ASCC3: variants seen among roughly 807,000 people sequenced by gnomAD.
The protein encoded by ASCC3 is ASC-1 complex subunit P200.
Under a neutral mutation model 256.3 loss-of-function variants are expected in ASCC3, and 158 were observed. The ratio of observed to expected loss-of-function variants is 0.62; its 90% confidence interval spans 0.54 to 0.70. The LOEUF is 0.70. Ranked by LOEUF, ASCC3 falls within the 30% of genes least tolerant of loss-of-function variation. The pLI, the probability that ASCC3 is intolerant of heterozygous loss-of-function variation, is 0.00. For synonymous variants in ASCC3, 948 were observed against 883.4 expected, an observed-to-expected ratio of 1.07 and a Z score of -1.30; for missense variants, 2,259 against 2,626.0, an observed-to-expected ratio of 0.86 and a Z score of 3.05.
intron 4 of ASCC3, among the ~76,000 whole-genome samples, chr6:100,840,129 A>C (rs1451019880): frequency 6.6e-6 from 1 of 152,198 alleles, no homozygotes; most frequent in Non-Finnish European, 1.5e-5. Context: ...GAAACTTGGG[A>C]GAAAATGGGC....
At chr6:100,838,021 A>G (rs191874941) in intron 4 of ASCC3, among the ~76,000 whole-genome samples, 289 of 152,290 alleles carry the variant, frequency 1.9e-3, no homozygotes, top group African/African-American at 6.5e-3. Flanking sequence ...TGTGTCCATT[A>G]AAAACAAAAT....
intron 18 of ASCC3, 135 bp downstream of exon 18, chr6:100,652,590 G>A: frequency 1.1e-6 from 1 of 925,090 alleles, no homozygotes; most frequent in South Asian, 1.5e-5. Context: ...TTTACTGAGG[G>A]TATACTGTTG....
intron 16 of ASCC3, among the ~76,000 whole-genome samples, chr6:100,657,876 C>CA: frequency 6.6e-6 from 1 of 151,470 alleles, no homozygotes; most frequent in Non-Finnish European, 1.5e-5. Context: ...CACCTAGTGA[C>CA]AAAAAATAAA....
chr6:100,652,694 A>G, intron 18 of ASCC3, 31 bp downstream of exon 18: 1 of 1,599,914 alleles, frequency 6.3e-7, no homozygotes, highest in Non-Finnish European at 8.6e-7. Flanking sequence ...ATTTGCATCT[A>G]AAATCAAACA....
intron 9 of ASCC3, among the ~76,000 whole-genome samples, 177 bp downstream of exon 9, chr6:100,766,968 A>AT (rs1352811560): frequency 1.3e-5 from 2 of 152,200 alleles, no homozygotes; most frequent in Non-Finnish European, 2.9e-5. Flanking sequence ...TGGTAATAGA[A>AT]TTTTCATAAC....
At chr6:100,520,116 T>C (rs1774229049) in intron 37 of ASCC3, among the ~76,000 whole-genome samples, 2 of 152,142 alleles carry the variant, frequency 1.3e-5, no homozygotes, top group African/African-American at 4.8e-5. Context: ...GTTTCTCTCC[T>C]GGAAAATTCT....
intron 16 of ASCC3, among the ~76,000 whole-genome samples, chr6:100,661,120 G>C (rs908323573): frequency 6.6e-5 from 10 of 151,574 alleles, no homozygotes; most frequent in African/African-American, 2.2e-4. Context: ...AGTATTGTTT[G>C]AGTCAACTTT....
intron 36 of ASCC3, among the ~76,000 whole-genome samples, chr6:100,576,222 AG>A (rs1356917842): frequency 1.3e-5 from 2 of 152,024 alleles, no homozygotes; most frequent in African/African-American, 2.4e-5. Flanking sequence ...AAACTTGGCA[AG>A]GGTTCTTATG....
chr6:100,517,023 C>T (rs1469862063), intron 38 of ASCC3, among the ~76,000 whole-genome samples: 6 of 152,036 alleles, frequency 3.9e-5, no homozygotes, highest in African/African-American at 1.4e-4. Flanking sequence ...TGAAACTGAG[C>T]TGCAGACACA....
chr6:100,628,074 T>C, intron 27 of ASCC3, 87 bp from the exon 28 acceptor site: 1 of 1,331,162 alleles, frequency 7.5e-7, no homozygotes, highest in African/African-American at 1.6e-5. Flanking sequence ...GTTTGTAGCT[T>C]CCTCAAAAAA....
rs7769965 is a variant in ASCC3, at chr6:100,619,789, C to T, written c.4785+5403G>A. On this transcript the variant is annotated intron_variant, in intron 30 of 41. Transcript: ENST00000369162. ...TTCTATCCTCTTTTACTGTAGAATA[C>T]GGCATTAGTTAGCTGTAACTTTATA... Among the ~76,000 whole-genome samples, 476 of 152,130 alleles carry T rather than the reference C, an allele frequency of 3.1e-3. 3 individuals carry two copies. The highest frequency in any genetic ancestry group is 0.01 in the African/African-American group (431 of 41,518).
At chr6:100,745,410 C>A (rs1239383185) in intron 10 of ASCC3, among the ~76,000 whole-genome samples, 1 of 151,538 alleles carries the variant, frequency 6.6e-6, no homozygotes, top group East Asian at 1.9e-4. Context: ...CTGCTTGAAC[C>A]CAGAAGGTGG....
At chr6:100,760,250 C>T (rs1781363854) in intron 10 of ASCC3, among the ~76,000 whole-genome samples, 1 of 152,086 alleles carries the variant, frequency 6.6e-6, no homozygotes, top group Non-Finnish European at 1.5e-5. Context: ...GGAATGCTTC[C>T]AACTTTTGCC....
At chr6:100,863,960 G>T in intron 3 of ASCC3, 104 bp downstream of exon 3, 1 of 1,105,630 alleles carries the variant, frequency 9.0e-7, no homozygotes, top group East Asian at 2.7e-5. Flanking sequence ...TTAGATGCCA[G>T]GAAATTTTAG....
chr6:100,516,378 G>C, intron 38 of ASCC3, 51 bp from the exon 39 acceptor site: 1 of 1,606,386 alleles, frequency 6.2e-7, no homozygotes, highest in Non-Finnish European at 8.5e-7. Flanking sequence ...GCACAAAGAA[G>C]ATTTTCTGAC....
chr6:100,613,354 T>C (rs1773504849), intron 30 of ASCC3, among the ~76,000 whole-genome samples: 1 of 152,116 alleles, frequency 6.6e-6, no homozygotes, highest in Non-Finnish European at 1.5e-5. Context: ...CATAGTCACA[T>C]GTATACATTT....
At chr6:100,740,888 C>T (rs1056977191) in intron 10 of ASCC3, among the ~76,000 whole-genome samples, 1 of 152,118 alleles carries the variant, frequency 6.6e-6, no homozygotes, top group African/African-American at 2.4e-5. Flanking sequence ...GGGCTTTTAG[C>T]CCATTTACAT....
intron 30 of ASCC3, among the ~76,000 whole-genome samples, chr6:100,608,126 A>ATT (rs1169084439): frequency 1.6e-5 from 2 of 122,336 alleles, no homozygotes; most frequent in East Asian, 4.9e-4. Flanking sequence ...ATCTATATAT[A>ATT]CATATATATG....
In ASCC3 at chr6:100,792,970, T is replaced by A. The variant is rs552882457; in HGVS notation, c.1395+5743A>T. Among the ~76,000 whole-genome samples, 11 of 152,110 alleles carry A rather than the reference T, an allele frequency of 7.2e-5. No homozygotes were observed. In the East Asian group the frequency reaches 9.7e-4, roughly 13 times the overall value. The stretch of plus-strand genomic sequence containing the variant: ...ATTGTCACTTTGGAAATTACCTTTA[T>A]GAAATAAATTATTTTTATGTTCATT... On this transcript the variant is annotated intron_variant, in intron 8 of 41. Coordinates refer to ENST00000369162, the MANE Select transcript of ASCC3 (RefSeq NM_006828.4).
Sources: gnomAD v4.1 joint callset for allele counts (sites outside exome capture counted in the v4.1 genomes callset) on GRCh38, gnomAD v4.1.1 for gene constraint, MANE v1.5 for transcripts, NCBI Gene and HGNC (gene_info 2026-07-23, HGNC 2026-07-21) for gene names.